Variants in NDUFAF2 observed in about 807,000 individuals in gnomAD.
NDUFAF2 encodes the protein NADH:ubiquinone oxidoreductase complex assembly factor 2, also known as NADH dehydrogenase [ubiquinone] 1 alpha subcomplex assembly factor 2.
Under a neutral mutation model 22.8 loss-of-function variants are expected in NDUFAF2, and 13 were observed. That is an observed-to-expected ratio of 0.57 (90% CI 0.37 to 0.91). The LOEUF is 0.91. Ranked by LOEUF, NDUFAF2 falls within the 40% of genes least tolerant of loss-of-function variation. The pLI is 0.01. For missense variants in NDUFAF2, 162 were observed against 195.2 expected (o/e 0.83, Z 1.01); for synonymous variants, 53 against 64.2 (o/e 0.83, Z 0.84).
chr5:60,996,197 A>C (rs1751226918), intron 1 of NDUFAF2, among the ~76,000 whole-genome samples: 1 of 151,978 alleles, frequency 6.6e-6, no homozygotes. Context: ...AAGGTCCTCG[A>C]TGTAGTACCT....
chr5:61,073,326 G>C (rs1752325360), intron 2 of NDUFAF2, 112 bp downstream of exon 2: 1 of 820,932 alleles, frequency 1.2e-6, no homozygotes, highest in Admixed American at 2.1e-5. Context: ...AAAAGTTTTA[G>C]TGTCTGAATG....
chr5:60,956,186 C>T (rs1750613517), intron 1 of NDUFAF2, among the ~76,000 whole-genome samples: 1 of 152,162 alleles, frequency 6.6e-6, no homozygotes, highest in Non-Finnish European at 1.5e-5. Context: ...TAGGCATGAG[C>T]CACCATGCCT....
intron 1 of NDUFAF2, among the ~76,000 whole-genome samples, chr5:60,951,635 G>A (rs772624413): frequency 6.6e-6 from 1 of 152,050 alleles, no homozygotes; most frequent in Non-Finnish European, 1.5e-5. Flanking sequence ...TTTGTTTTCT[G>A]TTCTTCAGGA....
intron 1 of NDUFAF2, among the ~76,000 whole-genome samples, chr5:61,020,970 A>T (rs1266537739): frequency 2.0e-5 from 3 of 148,558 alleles, no homozygotes; most frequent in African/African-American, 7.4e-5. Context: ...CTGGGATTAC[A>T]GGCATGAGCC....
intron 3 of NDUFAF2, among the ~76,000 whole-genome samples, chr5:61,110,545 C>T (rs1752827277): frequency 6.6e-6 from 1 of 152,046 alleles, no homozygotes; most frequent in Non-Finnish European, 1.5e-5. Context: ...ATGGTTCAAT[C>T]TCAGTAGGTT....
chr5:61,038,592 A>T (rs1561548052), intron 1 of NDUFAF2, among the ~76,000 whole-genome samples: 1 of 152,174 alleles, frequency 6.6e-6, no homozygotes, highest in Non-Finnish European at 1.5e-5. Context: ...AAGCATTGCT[A>T]ATTTTTATAG....
intron 1 of NDUFAF2, among the ~76,000 whole-genome samples, chr5:61,060,727 A>T (rs1197740960): frequency 6.6e-6 from 1 of 152,102 alleles, no homozygotes; most frequent in Non-Finnish European, 1.5e-5. Context: ...ATCTCTCCTC[A>T]TGCTACCCCA....
intron 1 of NDUFAF2, among the ~76,000 whole-genome samples, chr5:61,007,200 G>A (rs1471169740): frequency 6.6e-6 from 1 of 151,884 alleles, no homozygotes; most frequent in African/African-American, 2.4e-5. Flanking sequence ...CCATGCCTAT[G>A]TCCTGAATGG....
chr5:61,045,637 C>A (rs1298885247), intron 1 of NDUFAF2, among the ~76,000 whole-genome samples: 1 of 151,968 alleles, frequency 6.6e-6, no homozygotes, highest in Non-Finnish European at 1.5e-5. Flanking sequence ...CCTTACTTGG[C>A]TGATTTCTTT....
At chr5:61,084,541 A>G (rs955324158) in intron 2 of NDUFAF2, among the ~76,000 whole-genome samples, 9 of 152,250 alleles carry the variant, frequency 5.9e-5, no homozygotes, top group Admixed American at 1.3e-4. Flanking sequence ...GACTACTCTA[A>G]GTACGTCATA....
chr5:60,997,369 T>G (rs1318916774), intron 1 of NDUFAF2, among the ~76,000 whole-genome samples: 1 of 152,176 alleles, frequency 6.6e-6, no homozygotes, highest in Non-Finnish European at 1.5e-5. Flanking sequence ...GTAAAATAAC[T>G]GAGACATTGG....
chr5:61,012,521 C>T (rs1247652401), intron 1 of NDUFAF2, among the ~76,000 whole-genome samples: 3 of 151,826 alleles, frequency 2.0e-5, no homozygotes, highest in African/African-American at 7.3e-5. Flanking sequence ...TTTCCTTTTC[C>T]AATCTAGTAC....
chr5:61,017,030 T>A (rs1043528899), intron 1 of NDUFAF2, among the ~76,000 whole-genome samples: 5 of 152,192 alleles, frequency 3.3e-5, no homozygotes, highest in Non-Finnish European at 5.9e-5. Context: ...ACTGTACTCG[T>A]TTTCTCTTCT....
intron 1 of NDUFAF2, among the ~76,000 whole-genome samples, chr5:61,053,308 T>A (rs914535245): frequency 1.3e-5 from 2 of 152,184 alleles, no homozygotes; most frequent in African/African-American, 4.8e-5. Flanking sequence ...GCTTAGCCAA[T>A]CCCAATTAAT....
At chr5:61,111,941 T>C (rs1466417590) in intron 3 of NDUFAF2, among the ~76,000 whole-genome samples, 2 of 151,882 alleles carry the variant, frequency 1.3e-5, no homozygotes, top group Non-Finnish European at 2.9e-5. Flanking sequence ...TTTTTTGTAG[T>C]AGAGACAGCG....
intron 3 of NDUFAF2, among the ~76,000 whole-genome samples, chr5:61,120,326 T>C (rs142102014): frequency 1.4e-3 from 217 of 152,300 alleles, no homozygotes; most frequent in Non-Finnish European, 2.1e-3. Flanking sequence ...CCTCTCAAAC[T>C]GTAGATGTTT....
rs1579845606 is a variant in NDUFAF2, at chr5:61,129,172, A to G, written c.259-23532A>G. 2.6e-5 allele frequency among the ~76,000 whole-genome samples: 4 copies of G among 152,192 alleles called. No individual in the cohort carries two copies. In the South Asian group the frequency reaches 8.3e-4, roughly 32 times the overall value. The stretch of plus-strand genomic sequence containing the variant: ...GGCGCTGGAGAGGATGTGGAGAAAT[A>G]GAACAGTTTTACACTGTTGGTGGGA... On this transcript the variant is annotated intron_variant, in intron 3 of 3. Transcript: ENST00000296597.
intron 1 of NDUFAF2, among the ~76,000 whole-genome samples, chr5:61,009,615 GT>G (rs1339090812): frequency 6.6e-6 from 1 of 152,050 alleles, no homozygotes; most frequent in Non-Finnish European, 1.5e-5. Flanking sequence ...ATGTCTTGTA[GT>G]TTTTCTTTTT....
chr5:61,041,588 T>C (rs1177152231), intron 1 of NDUFAF2, among the ~76,000 whole-genome samples: 2 of 152,212 alleles, frequency 1.3e-5, no homozygotes, highest in Non-Finnish European at 2.9e-5. Context: ...CTTGGTAGAC[T>C]TAACTATGTG....
Sources: gnomAD v4.1 joint callset for allele counts (sites outside exome capture counted in the v4.1 genomes callset) on GRCh38, gnomAD v4.1.1 for gene constraint, MANE v1.5 for transcripts, NCBI Gene and HGNC (gene_info 2026-07-23, HGNC 2026-07-21) for gene names.